Variants in CHEK1 observed in about 807,000 individuals in gnomAD.
CHEK1 encodes the protein serine/threonine-protein kinase Chk1.
A neutral mutation model predicts 60.2 loss-of-function variants in CHEK1; 32 were observed. That is an observed-to-expected ratio of 0.53 (90% CI 0.40 to 0.71). The LOEUF (loss-of-function observed/expected upper bound fraction) is 0.71, where lower values mean the gene tolerates loss of function less well. Among genes scored for constraint, CHEK1 ranks in the 30% least tolerant of loss-of-function variants. The pLI is 0.00. For missense variants in CHEK1, 399 were observed against 564.6 expected, an observed-to-expected ratio of 0.71 and a Z score of 2.97; for synonymous variants, 179 against 187.2, an observed-to-expected ratio of 0.96 and a Z score of 0.36.
Position 125,627,693 on chromosome 11 carries a change from ATATT to A in CHEK1, c.153_156del (p.Asn51LysfsTer11), listed in dbSNP as rs1565361845. ...AAGCGTGCCGTAGACTGTCCAGAAA[ATATT>A]AAGAAAGAGATCTGTATCAATAAAA... On this transcript the variant is annotated frameshift_variant, in exon 3 of 13. Transcript: ENST00000438015. LOFTEE classifies it high-confidence loss of function. 2 of 1,613,996 alleles carry A rather than the reference ATATT, an allele frequency of 1.2e-6. No homozygotes were observed. The highest frequency in any genetic ancestry group is 8.5e-7 in the Non-Finnish European group (1 of 1,179,946).
chr11:125,643,762 G>C (rs1337495914), intron 8 of CHEK1, 30 bp from the exon 9 acceptor site: 1 of 1,569,150 alleles, frequency 6.4e-7, no homozygotes, highest in South Asian at 1.1e-5. Context: ...TAGAAGACTT[G>C]AAAGCATTTG....
intron 12 of CHEK1, among the ~76,000 whole-genome samples, chr11:125,654,817 C>T (rs1941857529): frequency 2.0e-5 from 3 of 152,168 alleles, no homozygotes; most frequent in Non-Finnish European, 2.9e-5. Flanking sequence ...TAATGAAATT[C>T]TTCTCATAAC....
downstream of CHEK1, among the ~76,000 whole-genome samples, chr11:125,679,216 CT>C (rs71045115): frequency 0.081 from 9,749 of 120,952 alleles, 515 homozygotes; most frequent in Middle Eastern, 0.11. Context: ...CCGTCTCTTT[CT>C]TTTTTTTTTT....
chr11:125,638,943 C>T (rs1941179186), intron 8 of CHEK1, among the ~76,000 whole-genome samples: 1 of 152,098 alleles, frequency 6.6e-6, no homozygotes, highest in Non-Finnish European at 1.5e-5. Flanking sequence ...TTTCTGACTT[C>T]CTCCCTTAAT....
At chr11:125,669,944 T>A (rs192834827) in intron 13 of CHEK1, among the ~76,000 whole-genome samples, 3 of 152,232 alleles carry the variant, frequency 2.0e-5, no homozygotes, top group African/African-American at 4.8e-5. Flanking sequence ...TTAAATGTCT[T>A]TTTCTGTCTC....
chr11:125,647,766 A>G (rs567615688), intron 11 of CHEK1, among the ~76,000 whole-genome samples: 5 of 152,330 alleles, frequency 3.3e-5, no homozygotes, highest in Admixed American at 2.0e-4. Flanking sequence ...TGCTTCATAT[A>G]TACCTGATAC....
intron 6 of CHEK1, among the ~76,000 whole-genome samples, chr11:125,634,786 T>C (rs1437994475): frequency 1.3e-5 from 2 of 152,172 alleles, no homozygotes; most frequent in East Asian, 3.8e-4. Context: ...AACATGACTT[T>C]TGAGGGGGAT....
At chr11:125,654,592 A>G (rs985922382) in intron 12 of CHEK1, among the ~76,000 whole-genome samples, 2 of 152,108 alleles carry the variant, frequency 1.3e-5, no homozygotes, top group African/African-American at 4.8e-5. Context: ...TTTCTTTAGA[A>G]ATCATTGATT....
At chr11:125,632,890 G>T (rs1037807246) in intron 5 of CHEK1, among the ~76,000 whole-genome samples, 1 of 152,086 alleles carries the variant, frequency 6.6e-6, no homozygotes, top group African/African-American at 2.4e-5. Context: ...TCTGACTCCA[G>T]CCTCTTTCTT....
chr11:125,669,417 TATGTA>T (rs1942155203), intron 13 of CHEK1, among the ~76,000 whole-genome samples: 1 of 152,206 alleles, frequency 6.6e-6, no homozygotes, highest in Non-Finnish European at 1.5e-5. Flanking sequence ...TGTTCCACTA[TATGTA>T]ATGTATCTTT....
At chr11:125,646,134 C>G (rs995559513) in intron 11 of CHEK1, among the ~76,000 whole-genome samples, 5 of 152,132 alleles carry the variant, frequency 3.3e-5, no homozygotes, top group African/African-American at 1.2e-4. Flanking sequence ...CCTAGAATCA[C>G]TCTTTATTCC....
intron 13 of CHEK1, among the ~76,000 whole-genome samples, chr11:125,673,318 C>A (rs1942303474): frequency 6.6e-6 from 1 of 151,962 alleles, no homozygotes; most frequent in Non-Finnish European, 1.5e-5. Flanking sequence ...GATTGTCCTC[C>A]CTCAGCCTCC....
At position 125,656,525 on chromosome 11, in the gene CHEK1, T is replaced by C. The variant is rs1941906624; in HGVS notation, c.*1205T>C. On this transcript the variant is annotated 3_prime_UTR_variant, in exon 13 of 13. Coordinates refer to ENST00000438015, the MANE Select transcript of CHEK1 (RefSeq NM_001114122.3). ...ATAAATTCAAACCTGTTTTATTTAT[T>C]TGAACCTATTTACGGTATGCTTAAG... 2 of 214,912 alleles carry C rather than the reference T, an allele frequency of 9.3e-6. No individual in the cohort carries two copies. Among genetic ancestry groups the C allele is most frequent in the African/African-American group, 4.5e-5 (2 of 44,312 alleles). The allele number at this position is 214,912 out of a possible 1,614,324, so 13.3% of individuals were successfully genotyped here.
chr11:125,638,305 G>C (rs1941149537), intron 8 of CHEK1, among the ~76,000 whole-genome samples: 1 of 152,060 alleles, frequency 6.6e-6, no homozygotes, highest in South Asian at 2.1e-4. Context: ...TCTGCTAGTT[G>C]TCTAGAAGTG....
intron 6 of CHEK1, among the ~76,000 whole-genome samples, chr11:125,633,816 T>G (rs1940958307): frequency 6.6e-6 from 1 of 152,150 alleles, no homozygotes; most frequent in Non-Finnish European, 1.5e-5. Flanking sequence ...CAAAGTATCA[T>G]AGACTGCATA....
rs182838211 is a variant in CHEK1 at position 125,664,022 on chromosome 11, C to T, written c.*27+8675C>T. The stretch of plus-strand genomic sequence containing the variant: ...AGATGGTTGTAGGTGTGCAGCATTA[C>T]TTCTGTGCTCTCTATTCTGTTCCAC... On this transcript the variant is annotated intron_variant, in intron 13 of 13. Coordinates refer to the CHEK1 transcript ENST00000428830. 2.7e-3 allele frequency among the ~76,000 whole-genome samples: 411 copies of T among 152,200 alleles called. 1 individual carries two copies. The highest frequency in any genetic ancestry group is 8.9e-3 in the African/African-American group (370 of 41,530).
In CHEK1 at chr11:125,644,578, T is replaced by C. The variant is rs1435108441; in HGVS notation, c.1168T>C (p.Tyr390His). 6.2e-7 allele frequency: 1 copy of C among 1,614,172 alleles called. No homozygotes were observed. The highest frequency in any genetic ancestry group is 8.5e-7 in the Non-Finnish European group (1 of 1,180,034). ...FFTKLDADKS[Y>H]QCLKETCEKL... is the part of the protein sequence containing the mutation. Reference sequence around the variant, plus strand: ...TACCAAATTGGATGCAGACAAATCTTATCAATGCCTGAAAGAGACTTGTGA... The same window carrying C: ...TACCAAATTGGATGCAGACAAATCTCATCAATGCCTGAAAGAGACTTGTGA... Residue 390 changes from tyrosine to histidine, a missense_variant, in exon 11 of 13, where the codon TAT becomes CAT. This residue lies in a region of CHEK1 where 370 missense variants were observed against 494.8 expected (regional missense o/e 0.75). Coordinates refer to ENST00000438015, the MANE Select transcript of CHEK1 (RefSeq NM_001114122.3).
At chr11:125,669,586 C>T (rs1339083577) in intron 13 of CHEK1, among the ~76,000 whole-genome samples, 4 of 134,976 alleles carry the variant, frequency 3.0e-5, no homozygotes, top group South Asian at 2.3e-4. Context: ...TACAGTGGTG[C>T]GATCTCGGCT....
chr11:125,639,830 G>A (rs545669206), intron 8 of CHEK1, among the ~76,000 whole-genome samples: 7 of 152,184 alleles, frequency 4.6e-5, no homozygotes, highest in Middle Eastern at 3.4e-3. Context: ...CTTTCATCCT[G>A]TATTGCTGTA....
Sources: allele counts gnomAD v4.1 joint callset (sites outside exome capture counted in the v4.1 genomes callset), GRCh38; gene constraint gnomAD v4.1.1; regional missense constraint gnomAD v4.1.1; transcripts MANE v1.5; gene names NCBI Gene and HGNC (gene_info 2026-07-23, HGNC 2026-07-21).